Variants in TSPEAR observed in about 807,000 individuals in gnomAD.
TSPEAR encodes the protein thrombospondin type laminin G domain and EAR repeats.
A neutral mutation model predicts 71.6 loss-of-function variants in TSPEAR; 69 were observed. The observed-to-expected ratio is 0.96, with a 90% CI of 0.79 to 1.18. TSPEAR has a LOEUF of 1.18. Among genes scored for constraint, TSPEAR ranks in the 50% most tolerant of loss-of-function variants. The probability of loss-of-function intolerance (pLI) is 0.00; values close to 1 mark genes in which losing one functional copy is unlikely to be tolerated. For synonymous variants in TSPEAR, 402 were observed against 387.2 expected, an observed-to-expected ratio of 1.04 and a Z score of -0.45; for missense variants, 971 against 894.9, an observed-to-expected ratio of 1.09 and a Z score of -1.09.
At chr21:44,677,324 GC>G in intron 1 of TSPEAR, 2 of 1,165,978 alleles carry the variant, frequency 1.7e-6, no homozygotes, top group Non-Finnish European at 2.5e-6. Context: ...ACTTCTTCTT[GC>G]CCTCAATCTC....
chr21:44,637,423 C>A (rs782136160), intron 1 of TSPEAR: 1 of 1,603,098 alleles, frequency 6.2e-7, no homozygotes. Context: ...CCAGCATGGC[C>A]GCCTCCACCA....
chr21:44,677,047 G>T, intron 1 of TSPEAR: 1 of 792,028 alleles, frequency 1.3e-6, no homozygotes, highest in Non-Finnish European at 2.2e-6. Flanking sequence ...GTCATCCTGA[G>T]CTTGGCCCAC....
intron 4 of TSPEAR, 99 bp from the exon 5 acceptor site, chr21:44,530,053 G>T (rs2052936106): frequency 3.1e-6 from 4 of 1,277,596 alleles, no homozygotes; most frequent in South Asian, 1.5e-5. Context: ...CCCGGAGGAG[G>T]CTCGGGTGGA....
chr21:44,634,754 A>C (rs1301539783), intron 1 of TSPEAR, among the ~76,000 whole-genome samples: 2 of 152,228 alleles, frequency 1.3e-5, no homozygotes, highest in East Asian at 3.8e-4. Flanking sequence ...GTCATTAGGG[A>C]AACAGAAATC....
In TSPEAR at chr21:44,533,854, G is replaced by T. The variant is rs1343347674; in HGVS notation, c.373C>A (p.Pro125Thr). Reference protein sequence around the residue: ...DLLLLGLRLSPAQLHFLFLRE... With the variant: ...DLLLLGLRLSTAQLHFLFLRE... ...AGGAACAGGAAGTGCAGCTGGGCAG[G>T]TGACAACCGCAGGCCGAGCAGCAGC... The change falls in exon 3 of 12, where the codon CCT becomes ACT. Residue 125 changes from proline to threonine, a missense_variant. Pro to Thr is a conservative substitution (Grantham distance 38). Transcript: ENST00000323084. 1.2e-6 allele frequency: 2 copies of T among 1,612,430 alleles called. No homozygotes were observed. Among genetic ancestry groups the T allele is most frequent in the Middle Eastern group, 1.6e-4 (1 of 6,084 alleles).
intron 1 of TSPEAR, among the ~76,000 whole-genome samples, chr21:44,661,824 C>T (rs782201764): frequency 2.0e-5 from 3 of 152,096 alleles, no homozygotes; most frequent in Non-Finnish European, 4.4e-5. Flanking sequence ...CAAGAACTCA[C>T]TCACTGTCGC....
chr21:44,580,298 C>T (rs782167289), intron 1 of TSPEAR: 2 of 1,613,454 alleles, frequency 1.2e-6, no homozygotes, highest in South Asian at 1.1e-5. Context: ...CACAGGCTTG[C>T]AGCAGACGGG....
rs1555914070 is a variant in TSPEAR at position 44,520,223 on chromosome 21, A to T, written c.1566+1660T>A. ...CAGTCATTATCGTGCAGCCCTGTCAACCCCACAAGGGCAGGCTTCACGTTT... is the reference window on the plus strand; with the variant it reads ...CAGTCATTATCGTGCAGCCCTGTCATCCCCACAAGGGCAGGCTTCACGTTT... On this transcript the variant is annotated intron_variant, in intron 9 of 11. Transcript: ENST00000323084. This position sits in a 1 kb window ranked among gnomAD's most constrained non-coding sequence, Gnocchi z 4.2. 6.6e-6 allele frequency: 1 copy of T among 151,310 alleles called. No individual in the cohort carries two copies. The highest frequency in any genetic ancestry group is 2.4e-5 in the African/African-American group (1 of 41,082). The allele number at this position is 151,310 out of a possible 1,614,324, so 9.4% of individuals were successfully genotyped here.
intron 2 of TSPEAR, among the ~76,000 whole-genome samples, chr21:44,565,875 A>T (rs1471456460): frequency 1.3e-5 from 2 of 152,254 alleles, no homozygotes; most frequent in African/African-American, 2.4e-5. Context: ...AAAAGCTGCC[A>T]GCTCAGCAAG....
At chr21:44,643,632 G>A (rs781870754) in intron 1 of TSPEAR, among the ~76,000 whole-genome samples, 2 of 152,074 alleles carry the variant, frequency 1.3e-5, no homozygotes, top group Non-Finnish European at 2.9e-5. Context: ...GTTACAAAGG[G>A]TATCATTAAC....
intron 2 of TSPEAR, among the ~76,000 whole-genome samples, chr21:44,540,435 G>T (rs1441879238): frequency 6.6e-6 from 1 of 152,256 alleles, no homozygotes; most frequent in African/African-American, 2.4e-5. Flanking sequence ...ATCCCTGGGG[G>T]CAAGAGTGGA....
At chr21:44,705,580 G>A (rs1374568683) in intron 1 of TSPEAR, among the ~76,000 whole-genome samples, 5 of 152,214 alleles carry the variant, frequency 3.3e-5, no homozygotes, top group Non-Finnish European at 7.3e-5. Context: ...CCCCCCCGGG[G>A]CGTACCTGTC....
At chr21:44,641,092 T>A (rs1983996848) in intron 1 of TSPEAR, among the ~76,000 whole-genome samples, 1 of 152,246 alleles carries the variant, frequency 6.6e-6, no homozygotes, top group Admixed American at 6.5e-5. Flanking sequence ...AGAATATGTG[T>A]ATCTATGTGC....
At position 44,535,724 on chromosome 21, in the gene TSPEAR, A is replaced by T. The variant is rs144565600; in HGVS notation, c.304-1801T>A. Among the ~76,000 whole-genome samples, 753 of 152,052 alleles carry T rather than the reference A, an allele frequency of 5.0e-3. 5 individuals carry two copies. Among genetic ancestry groups the T allele is most frequent in the African/African-American group, 0.016 (660 of 41,480 alleles). On this transcript the variant is annotated intron_variant, in intron 2 of 11. Coordinates refer to ENST00000323084, the MANE Select transcript of TSPEAR (RefSeq NM_144991.3). ...TGGGACTACAGGTGCACACCACCAC[A>T]CCCAGCTAATTTTGTATTTTTAGTA...
chr21:44,569,083 G>T (rs1359305376), intron 1 of TSPEAR, among the ~76,000 whole-genome samples: 1 of 152,188 alleles, frequency 6.6e-6, no homozygotes, highest in African/African-American at 2.4e-5. Flanking sequence ...TCCACTCCAG[G>T]CCAGGAGAAG....
chr21:44,625,947 TG>T (rs1483239942), intron 1 of TSPEAR, among the ~76,000 whole-genome samples: 1 of 152,190 alleles, frequency 6.6e-6, no homozygotes, highest in African/African-American at 2.4e-5. Flanking sequence ...TCTTACAACC[TG>T]GGCAGCACTG....
chr21:44,527,320 GC>G lies in TSPEAR; in HGVS notation c.1120del (p.Ala374ProfsTer38), dbSNP rs1569165505. The G allele has an allele frequency of 8.1e-6, 13 of 1,614,192 alleles. No homozygotes were observed. The highest frequency in any genetic ancestry group is 1.1e-5 in the Non-Finnish European group (13 of 1,180,044). On this transcript the variant is annotated frameshift_variant, in exon 7 of 12. Coordinates refer to ENST00000323084, the MANE Select transcript of TSPEAR (RefSeq NM_144991.3). LOFTEE classifies it high-confidence loss of function. ...YQNIPTHQAQ[A>X]WRHFTIGKKI... ...TTTCCCGATGGTGAAATGCCTCCAGGCCTGTGCTTGGTGCGTGGGGATGTTC... is the reference window on the plus strand; with the variant it reads ...TTTCCCGATGGTGAAATGCCTCCAGGCTGTGCTTGGTGCGTGGGGATGTTC...
At chr21:44,518,093 A>G (rs144654870) in intron 9 of TSPEAR, among the ~76,000 whole-genome samples, 1 of 152,270 alleles carries the variant, frequency 6.6e-6, no homozygotes, top group African/African-American at 2.4e-5. Flanking sequence ...CAGCAATTGC[A>G]TTTTTAATGT....
At chr21:44,675,978 C>T in intron 1 of TSPEAR, 1 of 826,278 alleles carries the variant, frequency 1.2e-6, no homozygotes. Flanking sequence ...TTCAGCCAGT[C>T]TTGTGCCACT....
Sources: allele counts gnomAD v4.1 joint callset (sites outside exome capture counted in the v4.1 genomes callset), GRCh38; gene constraint gnomAD v4.1.1; non-coding constraint Gnocchi (gnomAD v3.1); transcripts MANE v1.5; gene names NCBI Gene and HGNC (gene_info 2026-07-23, HGNC 2026-07-21).